FYCO1: variants seen among roughly 807,000 people sequenced by gnomAD.
The protein encoded by FYCO1 is FYVE and coiled-coil domain autophagy adaptor 1.
A neutral mutation model predicts 165.1 loss-of-function variants in FYCO1; 122 were observed. That is an observed-to-expected ratio of 0.74 (90% CI 0.64 to 0.86). The LOEUF (loss-of-function observed/expected upper bound fraction) is 0.86, where lower values mean the gene tolerates loss of function less well. Among genes scored for constraint, FYCO1 ranks in the 40% least tolerant of loss-of-function variants. The pLI, the probability that FYCO1 is intolerant of heterozygous loss-of-function variation, is 0.00. For synonymous variants in FYCO1, 648 were observed against 742.5 expected, an observed-to-expected ratio of 0.87 and a Z score of 2.07; for missense variants, 1,702 against 1,810.3, an observed-to-expected ratio of 0.94 and a Z score of 1.09.
intron 17 of FYCO1, among the ~76,000 whole-genome samples, chr3:45,923,014 C>T (rs1010039539): frequency 3.3e-5 from 5 of 152,172 alleles, no homozygotes; most frequent in African/African-American, 1.2e-4. Flanking sequence ...GGTCCTGTCT[C>T]CACTCCCCTC....
intron 2 of FYCO1, among the ~76,000 whole-genome samples, chr3:45,984,194 C>A (rs1243155599): frequency 6.6e-6 from 1 of 152,220 alleles, no homozygotes; most frequent in Non-Finnish European, 1.5e-5. Flanking sequence ...ACCCCTGGGA[C>A]AGCATCTGAA....
chr3:45,994,679 C>CA (rs1176093170), intron 1 of FYCO1, among the ~76,000 whole-genome samples: 2 of 152,076 alleles, frequency 1.3e-5, no homozygotes, highest in Non-Finnish European at 2.9e-5. Context: ...CAACACCCTC[C>CA]AGCCGCATTA....
At chr3:45,977,394 T>C (rs201140472) in intron 4 of FYCO1, among the ~76,000 whole-genome samples, 1 of 42,854 alleles carries the variant, frequency 2.3e-5, no homozygotes, top group Non-Finnish European at 5.4e-5. Flanking sequence ...TATATATATA[T>C]ATATATATAT....
At chr3:45,977,853 A>G (rs1706850484) in intron 4 of FYCO1, among the ~76,000 whole-genome samples, 1 of 152,222 alleles carries the variant, frequency 6.6e-6, no homozygotes, top group Admixed American at 6.5e-5. Context: ...CCTCTCAGTT[A>G]AAGACCCAGA....
chr3:45,940,001 G>A (rs561846369), intron 14 of FYCO1, among the ~76,000 whole-genome samples: 1 of 152,364 alleles, frequency 6.6e-6, no homozygotes, highest in East Asian at 1.9e-4. Flanking sequence ...CCACTGACCA[G>A]TGCAGGTTTG....
Position 45,925,328 on chromosome 3 carries a change from G to C in FYCO1, c.4252-1563C>G, listed in dbSNP as rs1383983330. Among the ~76,000 whole-genome samples the C allele has an allele frequency of 2.0e-5, 3 of 151,704 alleles. No individual in the cohort carries two copies. The East Asian group carries it at 5.8e-4, about 29-fold the overall frequency. ...CATTTAAGACTGACTACACATAAAT[G>C]GTTATATGGACCAGAAGGTCTACAG... On this transcript the variant is annotated intron_variant, in intron 16 of 17. Coordinates refer to ENST00000296137, the MANE Select transcript of FYCO1 (RefSeq NM_024513.4).
At chr3:45,977,455 T>C (rs1013205850) in intron 4 of FYCO1, among the ~76,000 whole-genome samples, 2 of 147,888 alleles carry the variant, frequency 1.4e-5, no homozygotes, top group African/African-American at 2.6e-5. Flanking sequence ...AAGGGAACAA[T>C]AGTTCCTTTG....
Position 45,973,230 on chromosome 3 carries a change from C to A in FYCO1, c.397G>T (p.Asp133Tyr). Residue 133 changes from aspartate (D) to tyrosine (Y), a missense_variant and splice_region_variant, in exon 6 of 18, where the codon GAC becomes TAC. Physicochemically the swap from Asp to Tyr is radical, Grantham distance 160. Coordinates refer to ENST00000296137, the MANE Select transcript of FYCO1 (RefSeq NM_024513.4). Reference protein sequence around the residue: ...QCFMNTKVTSDWYYARSPFLQ... With the variant: ...QCFMNTKVTSYWYYARSPFLQ... ...AAGGGGCTTCTTGCATAGTACCAGT[C>A]ACTGCAGAAAAACATGTCAATTATA... The A allele has an allele frequency of 6.2e-7, 1 of 1,613,998 alleles. No homozygotes were observed. Among genetic ancestry groups the A allele is most frequent in the South Asian group, 1.1e-5 (1 of 91,062 alleles).
At chr3:45,984,439 C>G (rs977314976) in intron 2 of FYCO1, 5 of 347,106 alleles carry the variant, frequency 1.4e-5, no homozygotes, top group African/African-American at 1.1e-4. Context: ...AGTTGGGCAG[C>G]AAAACAAGAT....
chr3:45,937,449 G>GTGGTTCCAGCTT (rs937748263), intron 14 of FYCO1, among the ~76,000 whole-genome samples: 12 of 152,368 alleles, frequency 7.9e-5, no homozygotes, highest in African/African-American at 2.6e-4. Flanking sequence ...GGGGTCCATT[G>GTGGTTCCAGCTT]TGGTTCCAGC....
In FYCO1 at chr3:45,979,818, C is replaced by G; in HGVS notation, c.175G>C (p.Glu59Gln). 1.2e-6 allele frequency: 2 copies of G among 1,613,952 alleles called. No homozygotes were observed. Among genetic ancestry groups the G allele is most frequent in the Non-Finnish European group, 1.7e-6 (2 of 1,179,926 alleles). The stretch of plus-strand genomic sequence containing the variant: ...TTGTTGCCCAGGAGGGTGGCCTTCT[C>G]TTTCTGATCAAACTGGGTAGGGAAA... ...LEYLLQFDQK[E>Q]KATLLGNKKD... Residue 59 changes from glutamate (E) to glutamine (Q), a missense_variant, in exon 4 of 18, where the codon GAG becomes CAG. Transcript: ENST00000296137.
chr3:45,976,269 C>T (rs144838900), intron 4 of FYCO1, among the ~76,000 whole-genome samples: 7 of 152,324 alleles, frequency 4.6e-5, no homozygotes, highest in African/African-American at 9.6e-5. Context: ...AAATTCACCA[C>T]TCAAAAGCTT....
chr3:45,930,953 T>C, intron 16 of FYCO1, 118 bp downstream of exon 16: 2 of 948,588 alleles, frequency 2.1e-6, no homozygotes, highest in East Asian at 2.6e-5. Context: ...GCCCAGAACA[T>C]TCCAAGTGAG....
At chr3:45,957,839 G>A (rs759611760) in intron 13 of FYCO1, among the ~76,000 whole-genome samples, 4 of 152,238 alleles carry the variant, frequency 2.6e-5, no homozygotes, top group Non-Finnish European at 4.4e-5. Context: ...TGCCTGTGCC[G>A]TCTCAGCTCT....
At chr3:45,977,355 A>C (rs1186052831) in intron 4 of FYCO1, among the ~76,000 whole-genome samples, 13 of 2,760 alleles carry the variant, frequency 4.7e-3, no homozygotes, top group African/African-American at 9.1e-3. Flanking sequence ...AATTAAATAT[A>C]TATATATATA....
chr3:45,946,185 A>AT lies in FYCO1; in HGVS notation c.3944+9063dup, dbSNP rs971362421. 7.5e-5 allele frequency: 24 copies of AT among 321,732 alleles called. No homozygotes were observed. In the Admixed American group the frequency reaches 9.3e-4, roughly 12 times the overall value. The allele number at this position is 321,732 out of a possible 1,614,324, so 19.9% of individuals were successfully genotyped here. On this transcript the variant is annotated intron_variant, in intron 14 of 17. Coordinates refer to ENST00000296137, the MANE Select transcript of FYCO1 (RefSeq NM_024513.4). Reference sequence around the variant, plus strand: ...TGGTTTCAAAATAATTGAGCACAGGATTTTATGGAATGTGCTTAGGGGTCA... The same window carrying AT: ...TGGTTTCAAAATAATTGAGCACAGGATTTTTATGGAATGTGCTTAGGGGTCA...
At chr3:45,980,004 G>C (rs918703489) in intron 3 of FYCO1, among the ~76,000 whole-genome samples, 174 bp from the exon 4 acceptor site, 2 of 152,194 alleles carry the variant, frequency 1.3e-5, no homozygotes, top group African/African-American at 4.8e-5. Flanking sequence ...TGTTCATACA[G>C]CTGGGTGGAA....
In FYCO1 at chr3:45,936,855, G is replaced by A. The variant is rs866884207; in HGVS notation, c.3945-312C>T. On this transcript the variant is annotated intron_variant, in intron 14 of 17. Coordinates refer to ENST00000296137, the MANE Select transcript of FYCO1 (RefSeq NM_024513.4). ...CAAATCAACCACTCTCCTAGCCCAC[G>A]CCAGCAGAGCTGTTGCCACAGGACC... Among the ~76,000 whole-genome samples, 15 of 152,302 alleles carry A rather than the reference G, an allele frequency of 9.8e-5. No individual in the cohort carries two copies. The South Asian group carries it at 1.4e-3, about 15-fold the overall frequency.
chr3:45,924,408 C>G (rs569665482), intron 16 of FYCO1, among the ~76,000 whole-genome samples: 1 of 151,838 alleles, frequency 6.6e-6, no homozygotes, highest in African/African-American at 2.4e-5. Context: ...TTTTTTCAGA[C>G]GATTTTTGAA....
Sources: allele counts gnomAD v4.1 joint callset (sites outside exome capture counted in the v4.1 genomes callset), GRCh38; gene constraint gnomAD v4.1.1; transcripts MANE v1.5; gene names NCBI Gene and HGNC (gene_info 2026-07-23, HGNC 2026-07-21).